Variants in BPTF observed in about 807,000 individuals in gnomAD.
BPTF encodes the protein nucleosome-remodeling factor subunit BPTF.
BPTF carries 18 observed loss-of-function variants against 292.5 expected under a neutral mutation model. That is an observed-to-expected ratio of 0.06 (90% CI 0.04 to 0.09). The LOEUF (loss-of-function observed/expected upper bound fraction) is 0.09. Ranked by LOEUF, BPTF falls within the 10% of genes least tolerant of loss-of-function variation. The pLI is 1.00. For synonymous variants in BPTF, 1,225 were observed against 1,251.9 expected, an observed-to-expected ratio of 0.98 and a Z score of 0.45; for missense variants, 2,726 against 3,498.7, an observed-to-expected ratio of 0.78 and a Z score of 5.57.
intron 7 of BPTF, among the ~76,000 whole-genome samples, chr17:67,894,636 A>G (rs916806196): frequency 6.6e-6 from 1 of 152,140 alleles, no homozygotes; most frequent in Non-Finnish European, 1.5e-5. Flanking sequence ...CATGAATATT[A>G]GTTCTTATTT....
At chr17:67,966,546 A>G (rs1323737563) in intron 25 of BPTF, 26 bp from the exon 26 acceptor site, 11 of 1,598,290 alleles carry the variant, frequency 6.9e-6, no homozygotes, top group African/African-American at 1.3e-5. Context: ...TTCACTGACA[A>G]TAATGATGCT....
intron 1 of BPTF, among the ~76,000 whole-genome samples, chr17:67,851,690 G>T (rs1431328028): frequency 2.6e-5 from 4 of 151,980 alleles, no homozygotes; most frequent in Admixed American, 6.5e-5. Flanking sequence ...TGTGCAGGCT[G>T]TTCAGTTATA....
chr17:67,925,054 T>G (rs918035705), intron 15 of BPTF, among the ~76,000 whole-genome samples: 8 of 121,546 alleles, frequency 6.6e-5, no homozygotes, highest in African/African-American at 3.4e-4. Context: ...CATCCAGGTT[T>G]TTTTTTTTTT....
chr17:67,947,587 T>C, intron 21 of BPTF, 139 bp from the exon 22 acceptor site: 1 of 676,770 alleles, frequency 1.5e-6, no homozygotes, highest in South Asian at 2.2e-5. Context: ...TAGCTGCTAA[T>C]TTTATTTATG....
At position 67,945,694 on chromosome 17, in the gene BPTF, C is replaced by T. The variant is rs782340397; in HGVS notation, c.6986C>T (p.Ser2329Phe). 15 of 1,614,182 alleles carry T rather than the reference C, an allele frequency of 9.3e-6. No individual in the cohort carries two copies. Among genetic ancestry groups the T allele is most frequent in the Non-Finnish European group, 1.3e-5 (15 of 1,180,038 alleles). Residue 2329 changes from serine (S) to phenylalanine (F), a missense_variant, in exon 21 of 28, where the codon TCT becomes TTT. Around this residue, in one of 22 missense-constraint regions of BPTF, gnomAD observed 570 missense variants for 633.5 expected, o/e 0.90. Coordinates refer to ENST00000306378, the MANE Select transcript of BPTF (RefSeq NM_182641.4). ...QSSKPQVAAQ[S>F]QPQSNVQGQS... Reference sequence around the variant, plus strand: ...TCCAAGCCCCAAGTTGCAGCACAGTCTCAGCCTCAAAGTAATGTCCAAGGA... The same window carrying T: ...TCCAAGCCCCAAGTTGCAGCACAGTTTCAGCCTCAAAGTAATGTCCAAGGA...
chr17:67,913,356 T>TGG (rs74276829), intron 11 of BPTF, among the ~76,000 whole-genome samples, 169 bp downstream of exon 11: 152,303 of 152,306 alleles, frequency 1, 76,150 homozygotes, highest in Non-Finnish European at 1. Flanking sequence ...ATTGGCCAAC[T>TGG]AATGTACTAA....
chr17:67,840,221 CAGCTTCCCCAGT>C (rs1224375670), intron 1 of BPTF, among the ~76,000 whole-genome samples: 3 of 151,866 alleles, frequency 2.0e-5, no homozygotes, highest in Non-Finnish European at 4.4e-5. Flanking sequence ...TCCCACCTCT[CAGCTTCCCCAGT>C]AGCTGGGATT....
chr17:67,916,634 C>A (rs370166839), intron 11 of BPTF, among the ~76,000 whole-genome samples: 8 of 151,776 alleles, frequency 5.3e-5, no homozygotes, highest in Non-Finnish European at 7.4e-5. Context: ...GATGTTTGGG[C>A]GGGCGCCTGT....
chr17:67,945,781 A>T lies in BPTF; in HGVS notation c.7073A>T (p.Gln2358Leu). ...QTRIRPSTPS[Q>L]LSPGQQSQVQ... ...CGAATACGTCCATCAACTCCATCCC[A>T]ACTGTCTCCTGGACAACAATCCCAG... Residue 2358 changes from glutamine (Q) to leucine (L), a missense_variant, in exon 21 of 28, where the codon CAA becomes CTA. Physicochemically the swap from Gln to Leu is moderately radical, Grantham distance 113. This residue lies in a region of BPTF where 570 missense variants were observed against 633.5 expected (regional missense o/e 0.90). Coordinates refer to ENST00000306378, the MANE Select transcript of BPTF (RefSeq NM_182641.4). 1 of 1,614,118 alleles carries T rather than the reference A, an allele frequency of 6.2e-7. No individual in the cohort carries two copies. The highest frequency in any genetic ancestry group is 1.1e-5 in the South Asian group (1 of 91,080).
At chr17:67,828,931 T>A (rs1390809999) in intron 1 of BPTF, among the ~76,000 whole-genome samples, 3 of 152,214 alleles carry the variant, frequency 2.0e-5, no homozygotes, top group Non-Finnish European at 2.9e-5. Flanking sequence ...CCCCTGCAGC[T>A]CCTGTAACAG....
chr17:67,855,486 C>G (rs1401069500), intron 2 of BPTF, among the ~76,000 whole-genome samples: 1 of 152,044 alleles, frequency 6.6e-6, no homozygotes, highest in African/African-American at 2.4e-5. Context: ...ACCTAGTTGT[C>G]TAAGGAAAGG....
rs370806972 is a variant in BPTF, at chr17:67,924,858, C to T, written c.5751+269C>T. On this transcript the variant is annotated intron_variant, in intron 15 of 27. Coordinates refer to ENST00000306378, the MANE Select transcript of BPTF (RefSeq NM_182641.4). ...CGAGCCTCGACATCCCTGGTTCAAG[C>T]GGTCCTCAGCCTCCCTAGTAGTTGA... Among the ~76,000 whole-genome samples the T allele has an allele frequency of 2.2e-4, 34 of 152,168 alleles. 1 individual carries two copies. In the South Asian group the frequency reaches 6.4e-3, roughly 29 times the overall value.
At chr17:67,878,697 T>C (rs1038711349) in intron 4 of BPTF, among the ~76,000 whole-genome samples, 1 of 152,112 alleles carries the variant, frequency 6.6e-6, no homozygotes, top group African/African-American at 2.4e-5. Context: ...TGTGTGTGTG[T>C]GTGTGTCAGT....
intron 18 of BPTF, among the ~76,000 whole-genome samples, chr17:67,939,405 G>A (rs1366969338): frequency 2.0e-5 from 3 of 152,098 alleles, no homozygotes; most frequent in African/African-American, 4.8e-5. Context: ...TAATGAGTCT[G>A]TAAGTGTCAA....
intron 7 of BPTF, among the ~76,000 whole-genome samples, chr17:67,895,436 T>TTTTC (rs1262700284): frequency 6.6e-6 from 1 of 151,520 alleles, no homozygotes; most frequent in Non-Finnish European, 1.5e-5. Context: ...TGGCTCCCAG[T>TTTTC]TTTCTTTGGT....
chr17:67,945,789 C>T lies in BPTF; in HGVS notation c.7081C>T (p.Pro2361Ser). 1.2e-6 allele frequency: 2 copies of T among 1,614,182 alleles called. No homozygotes were observed. The highest frequency in any genetic ancestry group is 1.6e-4 in the Middle Eastern group (1 of 6,062). ...TCCATCAACTCCATCCCAACTGTCT[C>T]CTGGACAACAATCCCAGGTTCAGAC... The part of the protein sequence containing the change: ...IRPSTPSQLS[P>S]GQQSQVQTTT... Residue 2361 changes from proline to serine, a missense_variant, in exon 21 of 28, where the codon CCT (proline) becomes TCT (serine). By Grantham distance (74) the Pro-to-Ser change is moderately conservative (BLOSUM62 -1). This residue lies in a region of BPTF where 570 missense variants were observed against 633.5 expected (regional missense o/e 0.90). Coordinates refer to ENST00000306378, the MANE Select transcript of BPTF (RefSeq NM_182641.4).
chr17:67,880,000 C>G (rs1258464238), intron 4 of BPTF, among the ~76,000 whole-genome samples: 1 of 152,114 alleles, frequency 6.6e-6, no homozygotes, highest in Admixed American at 6.6e-5. Flanking sequence ...CAGCAGTGGG[C>G]TATTCATATT....
At chr17:67,979,570 G>A (rs552021636) in intron 27 of BPTF, among the ~76,000 whole-genome samples, 4 of 151,962 alleles carry the variant, frequency 2.6e-5, no homozygotes, top group Non-Finnish European at 5.9e-5. Flanking sequence ...AATGACATTG[G>A]TTTTCGACTT....
chr17:67,875,717 G>A, intron 4 of BPTF: 1 of 1,601,152 alleles, frequency 6.2e-7, no homozygotes, highest in Non-Finnish European at 8.5e-7. Context: ...GAAGAAGGTG[G>A]CATCTGAGCT....
Sources: gnomAD v4.1 joint callset for allele counts (sites outside exome capture counted in the v4.1 genomes callset) on GRCh38, gnomAD v4.1.1 for gene constraint, gnomAD v4.1.1 regional missense constraint, MANE v1.5 for transcripts, NCBI Gene and HGNC (gene_info 2026-07-23, HGNC 2026-07-21) for gene names.